MAP2: variants seen among roughly 807,000 people sequenced by gnomAD.
MAP2 encodes microtubule associated protein 2.
In MAP2, 14 loss-of-function variants were observed where a neutral mutation model predicts 137.6. The observed-to-expected ratio is 0.10, with a 90% CI of 0.07 to 0.16. The LOEUF is 0.16. Ranked by LOEUF, MAP2 falls within the 10% of genes least tolerant of loss-of-function variation. The probability of loss-of-function intolerance (pLI) is 1.00; values close to 1 mark genes in which losing one functional copy is unlikely to be tolerated. For synonymous variants in MAP2, 786 were observed against 782.3 expected, an observed-to-expected ratio of 1.00 and a Z score of -0.08; for missense variants, 2,088 against 2,191.5, an observed-to-expected ratio of 0.95 and a Z score of 0.94.
At chr2:209,716,457 A>G (rs2067665431) in intron 13 of MAP2, among the ~76,000 whole-genome samples, 2 of 152,250 alleles carry the variant, frequency 1.3e-5, no homozygotes, top group African/African-American at 2.4e-5. Context: ...CCTTGGGGCC[A>G]CATGTGGTGC....
chr2:209,634,513 G>A (rs1269314503), intron 4 of MAP2, among the ~76,000 whole-genome samples: 1 of 147,838 alleles, frequency 6.8e-6, no homozygotes, highest in Non-Finnish European at 1.5e-5. Flanking sequence ...GGAGCAAAAG[G>A]CAGCTGTACC....
intron 2 of MAP2, among the ~76,000 whole-genome samples, chr2:209,542,058 A>G (rs1408923042): frequency 6.6e-6 from 1 of 152,188 alleles, no homozygotes; most frequent in African/African-American, 2.4e-5. Flanking sequence ...GCCTTATGAA[A>G]TGCATTTCTT....
intron 3 of MAP2, among the ~76,000 whole-genome samples, chr2:209,590,903 T>C (rs1488110419): frequency 1.3e-5 from 2 of 152,278 alleles, no homozygotes; most frequent in Non-Finnish European, 2.9e-5. Flanking sequence ...TTCATGGTCA[T>C]TATTACAATT....
At chr2:209,519,658 CTCTA>C (rs2062995509) in intron 2 of MAP2, among the ~76,000 whole-genome samples, 1 of 152,006 alleles carries the variant, frequency 6.6e-6, no homozygotes, top group Non-Finnish European at 1.5e-5. Flanking sequence ...AGAAAGCAGT[CTCTA>C]TCTACCCTTG....
chr2:209,703,888 GGATACCT>G, intron 11 of MAP2: 1 of 418,770 alleles, frequency 2.4e-6, no homozygotes, highest in Non-Finnish European at 4.8e-6. Context: ...TAATAAACAT[GGATACCT>G]GTTCTAGACC....
chr2:209,569,251 T>G (rs1262548657), intron 2 of MAP2, among the ~76,000 whole-genome samples: 1 of 151,864 alleles, frequency 6.6e-6, no homozygotes, highest in Non-Finnish European at 1.5e-5. Context: ...TCTGAAACTT[T>G]TAGCCCTAAG....
At chr2:209,425,996 G>GA (rs1692463695) in intron 1 of MAP2, among the ~76,000 whole-genome samples, 1 of 151,974 alleles carries the variant, frequency 6.6e-6, no homozygotes, top group Non-Finnish European at 1.5e-5. Flanking sequence ...CTTCCTTCAA[G>GA]AAAAAAGGCA....
At chr2:209,720,170 T>C (rs906905409) in intron 13 of MAP2, among the ~76,000 whole-genome samples, 2 of 152,200 alleles carry the variant, frequency 1.3e-5, no homozygotes, top group Non-Finnish European at 1.5e-5. Context: ...GAAGTTTTGA[T>C]GTATTTAATA....
chr2:209,704,918 T>C (rs574505732), intron 11 of MAP2, among the ~76,000 whole-genome samples: 46 of 150,454 alleles, frequency 3.1e-4, no homozygotes, highest in African/African-American at 4.6e-4. Flanking sequence ...TATTCTATTA[T>C]ATATAATATA....
At chr2:209,706,284 C>G (rs1024210375) in intron 12 of MAP2, among the ~76,000 whole-genome samples, 1 of 151,888 alleles carries the variant, frequency 6.6e-6, no homozygotes, top group African/African-American at 2.4e-5. Context: ...ATATAATGCT[C>G]CAATCATTAC....
intron 3 of MAP2, among the ~76,000 whole-genome samples, chr2:209,614,564 T>A (rs1263310242): frequency 6.6e-6 from 1 of 152,166 alleles, no homozygotes; most frequent in African/African-American, 2.4e-5. Context: ...ACATTATAGA[T>A]CGAGATATAT....
chr2:209,426,871 T>G (rs1473984539), intron 1 of MAP2, among the ~76,000 whole-genome samples: 2 of 152,208 alleles, frequency 1.3e-5, no homozygotes, highest in African/African-American at 4.8e-5. Context: ...TTTAAACCAG[T>G]TCGCAAATTT....
At chr2:209,650,186 G>T (rs1280404557) in intron 4 of MAP2, among the ~76,000 whole-genome samples, 1 of 152,124 alleles carries the variant, frequency 6.6e-6, no homozygotes, top group Non-Finnish European at 1.5e-5. Context: ...AATATTTGGT[G>T]GCTAGAACTC....
intron 13 of MAP2, among the ~76,000 whole-genome samples, chr2:209,718,043 A>G (rs2068473855): frequency 6.6e-6 from 1 of 152,194 alleles, no homozygotes; most frequent in South Asian, 2.1e-4. Context: ...GTTTTTTGAT[A>G]TCAAAGTCAT....
intron 3 of MAP2, among the ~76,000 whole-genome samples, chr2:209,601,736 A>T (rs1333149545): frequency 1.3e-5 from 2 of 152,176 alleles, no homozygotes; most frequent in African/African-American, 4.8e-5. Context: ...GTTGAATCAC[A>T]TGGGTTGGCA....
intron 1 of MAP2, among the ~76,000 whole-genome samples, chr2:209,438,532 T>A (rs7608854): frequency 0.57 from 86,670 of 151,400 alleles, 26,576 homozygotes; most frequent in African/African-American, 0.79. Context: ...TTAGGAAAAG[T>A]CATTGAACAA....
In MAP2 at chr2:209,564,293, T is replaced by C. The variant is rs576867361; in HGVS notation, c.-171-15743T>C. On this transcript the variant is annotated intron_variant, in intron 2 of 15. Coordinates refer to ENST00000682079, the MANE Select transcript of MAP2 (RefSeq NM_001375505.1). ...ATATTCACATATAGATTGACCCCTG[T>C]ACCTCATTTTTGGAACTCCCTGTTG... 6.2e-4 allele frequency among the ~76,000 whole-genome samples: 94 copies of C among 152,302 alleles called. 3 individuals are homozygous for C. Among genetic ancestry groups the C allele is most frequent in the Admixed American group, 5.4e-3 (83 of 15,268 alleles).
rs554457168 is a variant in MAP2 at position 209,461,091 on chromosome 2, A to G, written c.-222+36815A>G. On this transcript the variant is annotated intron_variant, in intron 1 of 15. Coordinates refer to ENST00000682079, the MANE Select transcript of MAP2 (RefSeq NM_001375505.1). Reference sequence around the variant, plus strand: ...AAGATATAAACTTGTTTCACTGGAAAGTAAAAATAAACAAACAACCCATTA... The same window carrying G: ...AAGATATAAACTTGTTTCACTGGAAGGTAAAAATAAACAAACAACCCATTA... Among the ~76,000 whole-genome samples, 4 of 152,300 alleles carry G rather than the reference A, an allele frequency of 2.6e-5. No homozygotes were observed. In the South Asian group the frequency reaches 8.3e-4, roughly 32 times the overall value.
intron 3 of MAP2, among the ~76,000 whole-genome samples, chr2:209,609,445 T>A (rs1643961987): frequency 2.6e-5 from 4 of 152,130 alleles, no homozygotes. Context: ...CATTATCTAA[T>A]TTTAGAAGGT....
Sources: allele counts gnomAD v4.1 joint callset (sites outside exome capture counted in the v4.1 genomes callset), GRCh38; gene constraint gnomAD v4.1.1; transcripts MANE v1.5; gene names NCBI Gene and HGNC (gene_info 2026-07-23, HGNC 2026-07-21).